Variants in BRAF observed in about 807,000 individuals in gnomAD.
BRAF encodes B-Raf proto-oncogene, serine/threonine kinase.
In BRAF, 16 loss-of-function variants were observed where a neutral mutation model predicts 104.6. The observed-to-expected ratio is 0.15, with a 90% confidence interval of 0.10 to 0.23. The LOEUF (loss-of-function observed/expected upper bound fraction) is 0.23, where lower values mean the gene tolerates loss of function less well. Among genes scored for constraint, BRAF ranks in the 10% least tolerant of loss-of-function variants. The probability of loss-of-function intolerance (pLI) is 1.00; values close to 1 mark genes in which losing one functional copy is unlikely to be tolerated. For synonymous variants in BRAF, 310 were observed against 341.6 expected (o/e 0.91, Z 1.02); for missense variants, 541 against 937.3 (o/e 0.58, Z 5.52).
At chr7:140,923,364 A>T (rs1168928393) in intron 1 of BRAF, among the ~76,000 whole-genome samples, 1 of 152,232 alleles carries the variant, frequency 6.6e-6, no homozygotes, top group Non-Finnish European at 1.5e-5. Context: ...AGCATAATAA[A>T]GTATTATTTT....
chr7:140,723,761 C>T lies in BRAF; in HGVS notation c.*2733G>A. On this transcript the variant is annotated 3_prime_UTR_variant, in exon 20 of 20. Coordinates refer to ENST00000644969, the MANE Select transcript of BRAF (RefSeq NM_001374258.1). ...CACTGCAGCCACTTTACAGACAAGA[C>T]TGTTACACCCTTACAAGATGATCAG... 7.6e-6 allele frequency: 8 copies of T among 1,048,810 alleles called. No individual in the cohort carries two copies. The highest frequency in any genetic ancestry group is 9.2e-6 in the Non-Finnish European group (8 of 868,844). The allele number at this position is 1,048,810 out of a possible 1,614,324, so 65.0% of individuals were successfully genotyped here. A position where few individuals can be genotyped will look rare whatever the true frequency, so the allele number is the denominator to read the frequency against.
At chr7:140,795,189 T>C (rs1057139192) in intron 7 of BRAF, among the ~76,000 whole-genome samples, 2 of 152,240 alleles carry the variant, frequency 1.3e-5, no homozygotes, top group Non-Finnish European at 2.9e-5. Context: ...ATATGTTACA[T>C]ACCTATTTCG....
intron 1 of BRAF, among the ~76,000 whole-genome samples, chr7:140,913,469 CTTTTTTTTTT>C (rs369746551): frequency 3.2e-4 from 18 of 56,998 alleles, no homozygotes; most frequent in Middle Eastern, 0.02. Flanking sequence ...TTAATCACAG[CTTTTTTTTTT>C]TTTTTTTTTT....
In BRAF at chr7:140,916,476, C is replaced by G. The variant is rs527946577; in HGVS notation, c.138+8090G>C. Among the ~76,000 whole-genome samples the G allele has an allele frequency of 5.3e-5, 8 of 152,342 alleles. 1 individual carries two copies. The South Asian group carries it at 1.4e-3, about 28-fold the overall frequency. On this transcript the variant is annotated intron_variant, in intron 1 of 19. Transcript: ENST00000644969. ...CTTCTAATGAAGATGGAGAATAACACATTGTAAACTAGTATCTTTCACAAC... is the reference window on the plus strand; with the variant it reads ...CTTCTAATGAAGATGGAGAATAACAGATTGTAAACTAGTATCTTTCACAAC...
In BRAF at chr7:140,763,489, G is replaced by A. The variant is rs1377354044; in HGVS notation, c.1815-9256C>T. Among the ~76,000 whole-genome samples the A allele has an allele frequency of 4.6e-5, 7 of 152,036 alleles. No homozygotes were observed. The South Asian group carries it at 1.0e-3, about 23-fold the overall frequency. On this transcript the variant is annotated intron_variant, in intron 14 of 19. Transcript: ENST00000644969. ...TGACCCCCCCACCTCCTTCCCGGAC[G>A]GGGCGGCTGGCCCAGGAGCTGGTTT...
At chr7:140,758,937 C>T (rs116175980) in intron 14 of BRAF, among the ~76,000 whole-genome samples, 149 of 152,316 alleles carry the variant, frequency 9.8e-4, no homozygotes, top group African/African-American at 3.4e-3. Context: ...AGTAACACCC[C>T]CTTTAGGCTT....
At chr7:140,906,293 C>T (rs1816326411) in intron 1 of BRAF, among the ~76,000 whole-genome samples, 2 of 151,946 alleles carry the variant, frequency 1.3e-5, no homozygotes, top group Admixed American at 6.6e-5. Flanking sequence ...CCTCAACCTC[C>T]TGGGCTCAAG....
intron 15 of BRAF, chr7:140,753,855 A>G: frequency 2.6e-6 from 1 of 388,180 alleles, no homozygotes; most frequent in Non-Finnish European, 4.8e-6. Context: ...TATCTCAACT[A>G]CCACTGAGCA....
At chr7:140,839,768 T>C (rs148756596) in intron 2 of BRAF, among the ~76,000 whole-genome samples, 298 of 152,336 alleles carry the variant, frequency 2.0e-3, no homozygotes, top group Non-Finnish European at 3.3e-3. Context: ...AATGCAATTA[T>C]GGCCTTTTAT....
At chr7:140,792,690 A>T (rs985637542) in intron 8 of BRAF, among the ~76,000 whole-genome samples, 2 of 152,212 alleles carry the variant, frequency 1.3e-5, no homozygotes, top group Non-Finnish European at 2.9e-5. Context: ...ATCTATTTAA[A>T]TGTTTGATTC....
chr7:140,808,102 CT>C, intron 4 of BRAF, 40 bp from the exon 5 acceptor site: 1 of 1,463,420 alleles, frequency 6.8e-7, no homozygotes, highest in Non-Finnish European at 9.6e-7. Context: ...GTTATTACAC[CT>C]AAAAATATTC....
intron 17 of BRAF, 133 bp downstream of exon 16, chr7:140,749,154 G>T: frequency 3.2e-6 from 4 of 1,258,318 alleles, no homozygotes; most frequent in Non-Finnish European, 4.4e-6. Flanking sequence ...GTATACAAAC[G>T]ATTTCTAAAA....
At chr7:140,846,150 A>G (rs764419760) in intron 2 of BRAF, among the ~76,000 whole-genome samples, 18 of 151,764 alleles carry the variant, frequency 1.2e-4, no homozygotes, top group Non-Finnish European at 2.2e-4. Context: ...CTGCAATTCT[A>G]CTCCTGGTAT....
At chr7:140,868,261 G>A (rs1586468619) in intron 1 of BRAF, among the ~76,000 whole-genome samples, 1 of 152,136 alleles carries the variant, frequency 6.6e-6, no homozygotes, top group South Asian at 2.1e-4. Context: ...TCCACAGCAG[G>A]AGGAGACACA....
intron 1 of BRAF, among the ~76,000 whole-genome samples, chr7:140,895,845 A>G (rs1814825314): frequency 6.6e-6 from 1 of 152,160 alleles, no homozygotes. Flanking sequence ...AACTGATTCC[A>G]TATCTTGGCT....
chr7:140,798,272 CTTT>C (rs10525418), intron 7 of BRAF, among the ~76,000 whole-genome samples: 1 of 115,624 alleles, frequency 8.6e-6, no homozygotes, highest in Non-Finnish European at 1.7e-5. Flanking sequence ...CTTTTTTTTT[CTTT>C]TTTTTGAGAC....
At chr7:140,763,505 G>C (rs1418955693) in intron 14 of BRAF, among the ~76,000 whole-genome samples, 1 of 152,230 alleles carries the variant, frequency 6.6e-6, no homozygotes, top group African/African-American at 2.4e-5. Flanking sequence ...GCTGGCCCAG[G>C]AGCTGGTTTT....
intron 2 of BRAF, among the ~76,000 whole-genome samples, chr7:140,842,678 T>C (rs897379803): frequency 6.6e-6 from 1 of 152,198 alleles, no homozygotes; most frequent in African/African-American, 2.4e-5. Flanking sequence ...GGAACAACTT[T>C]TCAGAGTAAA....
intron 14 of BRAF, among the ~76,000 whole-genome samples, chr7:140,776,618 G>A (rs1287108120): frequency 2.6e-5 from 4 of 152,122 alleles, no homozygotes; most frequent in African/African-American, 9.7e-5. Context: ...TTTTTAGCAG[G>A]TTTTTGCTGT....
Sources: gnomAD v4.1 joint callset for allele counts (sites outside exome capture counted in the v4.1 genomes callset) on GRCh38, gnomAD v4.1.1 for gene constraint, MANE v1.5 for transcripts, NCBI Gene and HGNC (gene_info 2026-07-23, HGNC 2026-07-21) for gene names.